The following TXNRD1 variants were observed in gnomAD, a reference collection of about 807,000 sequenced individuals.
The protein encoded by TXNRD1 is thioredoxin reductase 1.
Under a neutral mutation model 80.3 loss-of-function variants are expected in TXNRD1, and 57 were observed. The observed-to-expected ratio is 0.71, with a 90% CI of 0.57 to 0.89. The LOEUF is 0.89. TXNRD1 is among the 40% of genes least tolerant of loss of function. The pLI is 0.00. For synonymous variants in TXNRD1, 291 were observed against 285.2 expected, an observed-to-expected ratio of 1.02 and a Z score of -0.20; for missense variants, 730 against 803.0, an observed-to-expected ratio of 0.91 and a Z score of 1.10.
chr12:104,284,030 G>A (rs2033928599), intron 3 of TXNRD1, among the ~76,000 whole-genome samples: 1 of 152,198 alleles, frequency 6.6e-6, no homozygotes, highest in South Asian at 2.1e-4. Context: ...CAGCTTGCTG[G>A]TTAAGGGAGT....
intron 12 of TXNRD1, 141 bp downstream of exon 12, chr12:104,326,564 C>G (rs2035773368): frequency 1.9e-6 from 1 of 528,634 alleles, no homozygotes; most frequent in South Asian, 2.3e-5. Context: ...CCCCTGGGAT[C>G]AAGCCATTCT....
chr12:104,264,389 G>A (rs760201188), intron 3 of TXNRD1, among the ~76,000 whole-genome samples: 20 of 152,140 alleles, frequency 1.3e-4, no homozygotes, highest in Non-Finnish European at 2.8e-4. Flanking sequence ...AACGATGAGA[G>A]GTTAAGAGTT....
intron 7 of TXNRD1, among the ~76,000 whole-genome samples, chr12:104,316,514 C>T (rs557038521): frequency 2.0e-5 from 3 of 152,116 alleles, no homozygotes; most frequent in Non-Finnish European, 2.9e-5. Context: ...CTCAGCCTCC[C>T]GAGTAGCTGG....
At chr12:104,324,645 C>T (rs756645106) in intron 10 of TXNRD1, among the ~76,000 whole-genome samples, 26 of 148,032 alleles carry the variant, frequency 1.8e-4, no homozygotes, top group Non-Finnish European at 2.7e-4. Context: ...CCACCGCACC[C>T]GACCCCAGGT....
chr12:104,242,548 A>T (rs1024527760), intron 1 of TXNRD1, among the ~76,000 whole-genome samples: 7 of 124,008 alleles, frequency 5.6e-5, no homozygotes, highest in African/African-American at 1.1e-4. Flanking sequence ...AACTCCGTCT[A>T]AAAAAAAAAA....
intron 3 of TXNRD1, chr12:104,287,258 G>T: frequency 1.2e-6 from 2 of 1,613,882 alleles, no homozygotes; most frequent in South Asian, 2.2e-5. Flanking sequence ...AGGCGTGTCT[G>T]AGCAGACGGG....
chr12:104,275,344 T>C (rs1052167796), intron 3 of TXNRD1, among the ~76,000 whole-genome samples: 24 of 152,176 alleles, frequency 1.6e-4, no homozygotes, highest in African/African-American at 4.8e-4. Flanking sequence ...GTAATGAGAA[T>C]ATATGCACTG....
intron 1 of TXNRD1, among the ~76,000 whole-genome samples, chr12:104,230,886 C>T (rs895252034): frequency 1.3e-5 from 2 of 152,144 alleles, no homozygotes; most frequent in Non-Finnish European, 2.9e-5. Context: ...GGCCCTCACA[C>T]CCTAGCCTTT....
chr12:104,290,558 G>A (rs1204991009), intron 4 of TXNRD1, among the ~76,000 whole-genome samples: 1 of 151,182 alleles, frequency 6.6e-6, no homozygotes, highest in African/African-American at 2.4e-5. Flanking sequence ...CCAGGGCTTG[G>A]TGGCACATGC....
chr12:104,229,651 G>C (rs933518551), intron 1 of TXNRD1, among the ~76,000 whole-genome samples: 1 of 150,054 alleles, frequency 6.7e-6, no homozygotes, highest in African/African-American at 2.5e-5. Context: ...GGAGTGCAAT[G>C]GCGAGATCTC....
intron 4 of TXNRD1, among the ~76,000 whole-genome samples, chr12:104,297,344 A>T (rs1356911862): frequency 6.6e-6 from 1 of 151,230 alleles, no homozygotes; most frequent in Non-Finnish European, 1.5e-5. Context: ...ACACTTGTTG[A>T]CAAATAAATT....
chr12:104,325,524 C>T (rs565565693), intron 11 of TXNRD1, 95 bp downstream of exon 11: 1 of 872,920 alleles, frequency 1.1e-6, no homozygotes, highest in Non-Finnish European at 1.9e-6. Flanking sequence ...TAGTGATTTC[C>T]AAATGTACTG....
chr12:104,264,720 C>T (rs1193279844), intron 3 of TXNRD1, among the ~76,000 whole-genome samples: 1 of 152,124 alleles, frequency 6.6e-6, no homozygotes, highest in African/African-American at 2.4e-5. Flanking sequence ...AGCCATTCTA[C>T]TATATTTGGA....
At chr12:104,336,971 T>A in intron 15 of TXNRD1, among the ~76,000 whole-genome samples, 1 of 152,124 alleles carries the variant, frequency 6.6e-6, no homozygotes. Flanking sequence ...TCTGTCTTCC[T>A]TCACTTCAAA....
rs2135827158 is a variant in TXNRD1, at chr12:104,319,568, A to G, written c.972A>G (p.Lys324=). Residue 324 remains lysine, a synonymous_variant, in exon 9 of 17, where the codon AAA becomes AAG. Transcript: ENST00000525566. ...RPRYLGIPGD[K]EYCISSDDLF... ...GTTACTTGGGCATCCCTGGTGACAAAGAATACTGCATCAGCAGGTAAAGGA... is the reference window on the plus strand; with the variant it reads ...GTTACTTGGGCATCCCTGGTGACAAGGAATACTGCATCAGCAGGTAAAGGA... 6.2e-7 allele frequency: 1 copy of G among 1,601,896 alleles called. No individual in the cohort carries two copies. Among genetic ancestry groups the G allele is most frequent in the South Asian group, 1.1e-5 (1 of 88,386 alleles).
chr12:104,236,096 C>A (rs910778663), intron 1 of TXNRD1, among the ~76,000 whole-genome samples: 15 of 152,292 alleles, frequency 9.8e-5, no homozygotes, highest in South Asian at 4.2e-4. Flanking sequence ...TGGCTAGTTT[C>A]TTGGTCTGTT....
At chr12:104,292,339 G>A (rs1313926568) in intron 4 of TXNRD1, among the ~76,000 whole-genome samples, 3 of 151,904 alleles carry the variant, frequency 2.0e-5, no homozygotes, top group African/African-American at 4.8e-5. Context: ...GGCTTTACCC[G>A]AGTTCTTTTG....
At chr12:104,304,646 A>C in intron 4 of TXNRD1, 1 of 1,613,750 alleles carries the variant, frequency 6.2e-7, no homozygotes, top group Non-Finnish European at 8.5e-7. Context: ...GTATCCTGAT[A>C]CTCCTGTGTC....
At position 104,249,540 on chromosome 12, in the gene TXNRD1, G is replaced by A. The variant is rs116525235; in HGVS notation, c.92-1987G>A. Reference sequence around the variant, plus strand: ...CCCTGTCTTGACATTGTATGATAGGGGTTATTTAAAAATTTCTTAAATTAA... The same window carrying A: ...CCCTGTCTTGACATTGTATGATAGGAGTTATTTAAAAATTTCTTAAATTAA... On this transcript the variant is annotated intron_variant, in intron 1 of 16. Coordinates refer to ENST00000525566, the MANE Select transcript of TXNRD1 (RefSeq NM_001093771.3). Among the ~76,000 whole-genome samples the A allele has an allele frequency of 4.3e-3, 656 of 151,804 alleles. 8 individuals are homozygous for A. The highest frequency in any genetic ancestry group is 0.015 in the African/African-American group (620 of 41,358).
Sources: gnomAD v4.1 joint callset for allele counts (sites outside exome capture counted in the v4.1 genomes callset) on GRCh38, gnomAD v4.1.1 for gene constraint, MANE v1.5 for transcripts, NCBI Gene and HGNC (gene_info 2026-07-23, HGNC 2026-07-21) for gene names.